DPP10: variants seen among roughly 807,000 people sequenced by gnomAD.
The protein encoded by DPP10 is dipeptidyl peptidase like 10.
A neutral mutation model predicts 120.9 loss-of-function variants in DPP10; 33 were observed. That is an observed-to-expected ratio of 0.27 (90% CI 0.21 to 0.37). The LOEUF (loss-of-function observed/expected upper bound fraction) is 0.37, where lower values mean the gene tolerates loss of function less well. DPP10 is among the 10% of genes least tolerant of loss of function. The probability of loss-of-function intolerance (pLI) is 1.00; values close to 1 mark genes in which losing one functional copy is unlikely to be tolerated. For synonymous variants in DPP10, 337 were observed against 326.1 expected (o/e 1.03, Z -0.36); for missense variants, 816 against 942.8 (o/e 0.87, Z 1.76).
chr2:115,343,445 A>G (rs947902961), intron 2 of DPP10, among the ~76,000 whole-genome samples: 2 of 152,140 alleles, frequency 1.3e-5, no homozygotes, highest in Non-Finnish European at 2.9e-5. Flanking sequence ...TACATTTCCA[A>G]TGAAAGAATA....
intron 1 of DPP10, among the ~76,000 whole-genome samples, chr2:114,593,062 C>G (rs1991591): frequency 0.12 from 17,650 of 152,142 alleles, 1,080 homozygotes; most frequent in East Asian, 0.23. Context: ...TCTCATGTTT[C>G]TTTTAGTAAT....
At chr2:115,228,138 G>A (rs1044669200) in intron 1 of DPP10, among the ~76,000 whole-genome samples, 3 of 151,704 alleles carry the variant, frequency 2.0e-5, no homozygotes, top group African/African-American at 7.3e-5. Flanking sequence ...TGTTGACATG[G>A]GGTTTTGCAA....
intron 3 of DPP10, among the ~76,000 whole-genome samples, chr2:115,420,771 CTG>C (rs2104676144): frequency 6.6e-6 from 1 of 152,290 alleles, no homozygotes; most frequent in South Asian, 2.1e-4. Flanking sequence ...ACAAACAACT[CTG>C]TGGCAGCAGG....
At chr2:115,080,790 G>T (rs1182667360) in intron 1 of DPP10, among the ~76,000 whole-genome samples, 1 of 152,074 alleles carries the variant, frequency 6.6e-6, no homozygotes, top group East Asian at 1.9e-4. Flanking sequence ...TCTGTCTACA[G>T]TTCATCTCTT....
At chr2:114,541,945 T>C (rs1353789888) in intron 1 of DPP10, among the ~76,000 whole-genome samples, 1 of 151,996 alleles carries the variant, frequency 6.6e-6, no homozygotes, top group Non-Finnish European at 1.5e-5. Context: ...CAGGGAAAAA[T>C]GTAAGTGTAA....
At chr2:115,706,207 G>A (rs1431606439) in intron 7 of DPP10, among the ~76,000 whole-genome samples, 1 of 151,888 alleles carries the variant, frequency 6.6e-6, no homozygotes, top group African/African-American at 2.4e-5. Context: ...AAATTAATTT[G>A]CATTGCTGTG....
intron 10 of DPP10, among the ~76,000 whole-genome samples, chr2:115,748,587 T>G (rs774543940): frequency 2.5e-4 from 38 of 152,222 alleles, no homozygotes; most frequent in South Asian, 2.1e-4. Flanking sequence ...CAACATTTTT[T>G]TGTTGTTTGA....
At chr2:114,675,455 T>C (rs1008231633) in intron 1 of DPP10, among the ~76,000 whole-genome samples, 2 of 152,184 alleles carry the variant, frequency 1.3e-5, no homozygotes, top group East Asian at 3.9e-4. Context: ...CTCAAGATTG[T>C]GGCTAATAAA....
chr2:115,262,773 T>C (rs1316790198), intron 1 of DPP10, among the ~76,000 whole-genome samples: 1 of 152,216 alleles, frequency 6.6e-6, no homozygotes, highest in African/African-American at 2.4e-5. Context: ...CCTTTTACTG[T>C]ACTGGCATCT....
At chr2:115,070,547 G>A (rs1447674904) in intron 1 of DPP10, among the ~76,000 whole-genome samples, 1 of 152,082 alleles carries the variant, frequency 6.6e-6, no homozygotes, top group Admixed American at 6.6e-5. Context: ...CTAATAATGG[G>A]TGTAAAACAG....
intron 1 of DPP10, among the ~76,000 whole-genome samples, chr2:115,198,061 ATTTC>A (rs2055416470): frequency 6.6e-6 from 1 of 152,096 alleles, no homozygotes; most frequent in African/African-American, 2.4e-5. Flanking sequence ...CTCTTTCTCT[ATTTC>A]TTATTCACTG....
At chr2:115,751,500 C>T (rs1678703127) in intron 10 of DPP10, among the ~76,000 whole-genome samples, 1 of 152,156 alleles carries the variant, frequency 6.6e-6, no homozygotes, top group African/African-American at 2.4e-5. Context: ...TCAAGCAGAG[C>T]TCAGCTAGTT....
At chr2:114,862,775 GC>G (rs1368607761) in intron 1 of DPP10, among the ~76,000 whole-genome samples, 4 of 151,802 alleles carry the variant, frequency 2.6e-5, no homozygotes, top group Non-Finnish European at 5.9e-5. Flanking sequence ...GTGATATATG[GC>G]AAAAGTCAGT....
intron 1 of DPP10, among the ~76,000 whole-genome samples, chr2:114,643,873 G>GTGTGTGTA (rs1401097892): frequency 6.7e-6 from 1 of 149,862 alleles, no homozygotes; most frequent in Non-Finnish European, 1.5e-5. Context: ...GTGTTTGTGT[G>GTGTGTGTA]TGTGTGTATG....
intron 1 of DPP10, among the ~76,000 whole-genome samples, chr2:114,623,125 T>C (rs1396693817): frequency 6.6e-6 from 1 of 152,108 alleles, no homozygotes; most frequent in Non-Finnish European, 1.5e-5. Flanking sequence ...GCTTTCATTC[T>C]TTGCAATAAA....
chr2:115,702,233 C>T (rs141509700), intron 7 of DPP10, among the ~76,000 whole-genome samples: 1 of 152,024 alleles, frequency 6.6e-6, no homozygotes, highest in Non-Finnish European at 1.5e-5. Context: ...CATCTCTAAC[C>T]CTCAGAGAGT....
intron 5 of DPP10, among the ~76,000 whole-genome samples, chr2:115,638,577 T>C (rs766692556): frequency 4.2e-4 from 64 of 152,212 alleles, no homozygotes; most frequent in Non-Finnish European, 7.6e-4. Context: ...AGGAATAAAA[T>C]AGAAATGCCT....
intron 1 of DPP10, among the ~76,000 whole-genome samples, chr2:114,711,693 T>C (rs1345380528): frequency 6.6e-6 from 1 of 150,436 alleles, no homozygotes; most frequent in African/African-American, 2.4e-5. Context: ...TTTTAATTAT[T>C]TTTTTTTTGT....
chr2:115,204,032 A>C (rs990747127), intron 1 of DPP10, among the ~76,000 whole-genome samples: 4 of 152,192 alleles, frequency 2.6e-5, no homozygotes, highest in African/African-American at 9.6e-5. Context: ...TTTAAGCAGA[A>C]GAGACTCCCC....
Sources: allele counts gnomAD v4.1 joint callset (sites outside exome capture counted in the v4.1 genomes callset), GRCh38; gene constraint gnomAD v4.1.1; transcripts MANE v1.5; gene names NCBI Gene and HGNC (gene_info 2026-07-23, HGNC 2026-07-21).